The following USH2A variants were observed in gnomAD, a reference collection of about 807,000 sequenced individuals.
USH2A encodes Usher syndrome 2A (autosomal recessive, mild).
A neutral mutation model predicts 538.9 loss-of-function variants in USH2A; 443 were observed. The ratio of observed to expected loss-of-function variants is 0.82; its 90% CI spans 0.76 to 0.89. The LOEUF (loss-of-function observed/expected upper bound fraction) is 0.89. USH2A is among the 40% of genes least tolerant of loss of function. The probability of loss-of-function intolerance (pLI) is 0.00; values close to 1 mark genes in which losing one functional copy is unlikely to be tolerated. For missense variants in USH2A, 6,633 were observed against 6,324.8 expected (o/e 1.05, Z -1.65); for synonymous variants, 2,413 against 2,273.5 (o/e 1.06, Z -1.75).
chr1:216,398,430 T>C (rs1379855747), intron 3 of USH2A, among the ~76,000 whole-genome samples: 1 of 152,158 alleles, frequency 6.6e-6, no homozygotes, highest in African/African-American at 2.4e-5. Flanking sequence ...GAAAGGCTTA[T>C]TTTCCTAGAC....
intron 32 of USH2A, among the ~76,000 whole-genome samples, chr1:216,024,773 G>A (rs1668925058): frequency 6.6e-6 from 1 of 151,810 alleles, no homozygotes. Context: ...ATAATTTCAG[G>A]TATCTGTTTT....
chr1:216,344,497 A>G (rs2038136579), intron 4 of USH2A, among the ~76,000 whole-genome samples: 1 of 152,036 alleles, frequency 6.6e-6, no homozygotes, highest in Admixed American at 6.6e-5. Flanking sequence ...CAAAAGGAAA[A>G]CTTGCTTTGT....
Position 215,786,768 on chromosome 1 carries a change from C to G in USH2A, c.10289G>C (p.Gly3430Ala), listed in dbSNP as rs1286495984. Reference protein sequence around the residue: ...FTSHICTVIRGSHNSTGKASI... With the variant: ...FTSHICTVIRASHNSTGKASI... ...TGCCTTCCCTGTGGAATTGTGAGAC[C>G]CTCTTATCACAGTGCAAATGTGGCT... The change falls in exon 52 of 72, where the codon GGG (glycine) becomes GCG (alanine). Residue 3430 changes from glycine (G) to alanine (A), a missense_variant. Physicochemically the swap from Gly to Ala is moderately conservative, Grantham distance 60. Coordinates refer to ENST00000307340, the MANE Select transcript of USH2A (RefSeq NM_206933.4). 1.2e-6 allele frequency: 2 copies of G among 1,613,918 alleles called. No individual in the cohort carries two copies. Among genetic ancestry groups the G allele is most frequent in the South Asian group, 2.2e-5 (2 of 91,078 alleles).
intron 21 of USH2A, among the ~76,000 whole-genome samples, chr1:216,149,462 CT>C (rs1380471137): frequency 2.0e-5 from 3 of 152,252 alleles, no homozygotes; most frequent in East Asian, 3.9e-4. Context: ...GACTAATGGT[CT>C]TTTAAAAGGC....
chr1:215,866,173 A>G (rs1440807465), intron 44 of USH2A, among the ~76,000 whole-genome samples: 1 of 152,178 alleles, frequency 6.6e-6, no homozygotes, highest in Non-Finnish European at 1.5e-5. Flanking sequence ...CTCAAGTTAT[A>G]CCTATAAGAC....
chr1:215,639,667 C>T (rs987875725), intron 68 of USH2A, among the ~76,000 whole-genome samples: 2 of 152,088 alleles, frequency 1.3e-5, no homozygotes, highest in African/African-American at 4.8e-5. Flanking sequence ...TTCCAATGGC[C>T]AGGAACCTGA....
At chr1:215,681,405 G>A (rs1270152921) in intron 61 of USH2A, among the ~76,000 whole-genome samples, 1 of 151,992 alleles carries the variant, frequency 6.6e-6, no homozygotes, top group Non-Finnish European at 1.5e-5. Flanking sequence ...AAGAAATCAT[G>A]AGAAAGTTTT....
At chr1:215,658,832 C>G (rs1657350361) in intron 64 of USH2A, among the ~76,000 whole-genome samples, 1 of 152,208 alleles carries the variant, frequency 6.6e-6, no homozygotes, top group Non-Finnish European at 1.5e-5. Flanking sequence ...ATGTTCTCTG[C>G]AATAATAACT....
chr1:216,156,383 TCTGTTATGTTA>T (rs752356859), intron 21 of USH2A, among the ~76,000 whole-genome samples: 11 of 151,058 alleles, frequency 7.3e-5, no homozygotes, highest in Non-Finnish European at 1.3e-4. Flanking sequence ...GTTGAGTGCT[TCTGTTATGTTA>T]CAGTATTTTT....
chr1:215,952,804 C>T, intron 37 of USH2A, among the ~76,000 whole-genome samples: 1 of 152,130 alleles, frequency 6.6e-6, no homozygotes, highest in South Asian at 2.1e-4. Context: ...TCTATGGCTG[C>T]CCTTAACATT....
chr1:216,393,387 ATAAT>A (rs2039144528), intron 3 of USH2A, among the ~76,000 whole-genome samples: 1 of 152,232 alleles, frequency 6.6e-6, no homozygotes, highest in Non-Finnish European at 1.5e-5. Flanking sequence ...TAAAGCAAAC[ATAAT>A]TAAATAAGGT....
intron 37 of USH2A, among the ~76,000 whole-genome samples, chr1:215,957,183 C>T (rs1041806250): frequency 6.6e-6 from 1 of 152,038 alleles, no homozygotes; most frequent in African/African-American, 2.4e-5. Flanking sequence ...TCTCTATTTC[C>T]CCTACATTCC....
chr1:216,324,385 G>C (rs376184170), intron 6 of USH2A, 33 bp from the exon 7 acceptor site: 46 of 1,551,934 alleles, frequency 3.0e-5, no homozygotes, highest in Non-Finnish European at 4.0e-5. Flanking sequence ...TGTAATTAAA[G>C]TTTTAAGTTT....
intron 52 of USH2A, among the ~76,000 whole-genome samples, chr1:215,783,342 T>C (rs1661702996): frequency 6.6e-6 from 1 of 152,224 alleles, no homozygotes; most frequent in Non-Finnish European, 1.5e-5. Flanking sequence ...TTTCTGTTAC[T>C]TTGTTAATAT....
intron 2 of USH2A, 34 bp from the exon 3 acceptor site, chr1:216,418,713 A>G (rs2039621656): frequency 1.5e-5 from 24 of 1,610,656 alleles, no homozygotes; most frequent in Non-Finnish European, 2.0e-5. Context: ...AGAAAAGGTC[A>G]GCATCCAACC....
intron 11 of USH2A, among the ~76,000 whole-genome samples, chr1:216,265,459 GA>G (rs1272977977): frequency 1.3e-5 from 2 of 151,944 alleles, no homozygotes; most frequent in Non-Finnish European, 2.9e-5. Flanking sequence ...AAACTAAAAA[GA>G]GAACTACCAT....
chr1:216,274,262 A>C (rs1161436960), intron 11 of USH2A, among the ~76,000 whole-genome samples: 1 of 152,120 alleles, frequency 6.6e-6, no homozygotes, highest in Non-Finnish European at 1.5e-5. Context: ...TGAAGCATTT[A>C]TACCTCTAAA....
chr1:216,363,769 T>C (rs906250730), intron 4 of USH2A, among the ~76,000 whole-genome samples: 3 of 151,982 alleles, frequency 2.0e-5, no homozygotes, highest in Non-Finnish European at 2.9e-5. Flanking sequence ...TGAGAACATA[T>C]ATCTAAATGA....
At chr1:215,937,746 A>G (rs1666541528) in intron 37 of USH2A, among the ~76,000 whole-genome samples, 1 of 152,214 alleles carries the variant, frequency 6.6e-6, no homozygotes, top group Admixed American at 6.5e-5. Context: ...TAAAAGATTG[A>G]AATTTGTAAA....
Sources: allele counts gnomAD v4.1 joint callset (sites outside exome capture counted in the v4.1 genomes callset), GRCh38; gene constraint gnomAD v4.1.1; transcripts MANE v1.5; gene names NCBI Gene and HGNC (gene_info 2026-07-23, HGNC 2026-07-21).